EPHA10: variants seen among roughly 807,000 people sequenced by gnomAD.
The protein encoded by EPHA10 is ephrin type-A receptor 10.
Under a neutral mutation model 109.7 loss-of-function variants are expected in EPHA10, and 120 were observed. The ratio of observed to expected loss-of-function variants is 1.09; its 90% CI spans 0.94 to 1.27. The LOEUF (loss-of-function observed/expected upper bound fraction) is 1.27, where lower values mean the gene tolerates loss of function less well. Among genes scored for constraint, EPHA10 ranks in the 50% most tolerant of loss-of-function variants. EPHA10 has a pLI of 0.00. For missense variants in EPHA10, 1,396 were observed against 1,411.1 expected, an observed-to-expected ratio of 0.99 and a Z score of 0.17; for synonymous variants, 640 against 618.9, an observed-to-expected ratio of 1.03 and a Z score of -0.51.
At position 37,744,491 on chromosome 1, in the gene EPHA10, G is replaced by A. The variant is rs1316443631; in HGVS notation, c.1357+8385C>T. ...GCAGAGATCATGCCACTGCACTCCA[G>A]CCCATCTAAAAAAAAAAAAATAGCT... On this transcript the variant is annotated intron_variant, in intron 5 of 16. Transcript: ENST00000373048. 4.6e-5 allele frequency among the ~76,000 whole-genome samples: 7 copies of A among 150,628 alleles called. No homozygotes were observed. The East Asian group carries it at 1.4e-3, about 29-fold the overall frequency.
Position 37,720,340 on chromosome 1 carries a change from G to T in EPHA10, c.2412+11C>A, listed in dbSNP as rs1443636255. ...GAAGGCACAGGCAGGCTTGGCTGGGGGCGCCCTCACCATAGTGGTGTAGAC... is the reference window on the plus strand; with the variant it reads ...GAAGGCACAGGCAGGCTTGGCTGGGTGCGCCCTCACCATAGTGGTGTAGAC... On this transcript the variant is annotated intron_variant, in intron 13 of 16. Transcript: ENST00000373048. 6.3e-7 allele frequency: 1 copy of T among 1,588,924 alleles called. No individual in the cohort carries two copies. Among genetic ancestry groups the T allele is most frequent in the Admixed American group, 1.7e-5 (1 of 57,408 alleles).
intron 6 of EPHA10, among the ~76,000 whole-genome samples, chr1:37,732,342 G>A (rs1267097037): frequency 7.2e-5 from 11 of 151,914 alleles, no homozygotes; most frequent in Middle Eastern, 3.4e-3. Flanking sequence ...GCTGCCCCCC[G>A]CTCCACCCCA....
Position 37,764,856 on chromosome 1 carries a change from T to C in EPHA10, c.106+105A>G, listed in dbSNP as rs1569778420. The C allele has an allele frequency of 3.0e-6, 3 of 1,010,992 alleles. No homozygotes were observed. The highest frequency in any genetic ancestry group is 5.3e-5 in the East Asian group (2 of 37,906). The allele number at this position is 1,010,992 out of a possible 1,614,324, so 62.6% of individuals were successfully genotyped here. On this transcript the variant is annotated intron_variant, in intron 1 of 16. Coordinates refer to ENST00000373048, the MANE Select transcript of EPHA10 (RefSeq NM_001099439.2). The surrounding 1 kb of genome is among the most constrained non-coding windows in gnomAD (Gnocchi z 5.8). ...GCTGCCTGCTTGCTTCAAGCCCCAA[T>C]ACAGACTCTAGTCTCTCCAATGACT... is the stretch of plus-strand genomic sequence containing the variant.
At chr1:37,715,217 A>G (rs183113087), downstream of EPHA10, among the ~76,000 whole-genome samples, 27 of 152,160 alleles carry the variant, frequency 1.8e-4, no homozygotes, top group South Asian at 3.1e-3. Context: ...TTTAGTAGAG[A>G]TGGGGTTTCA....
chr1:37,731,699 T>A, intron 6 of EPHA10, 117 bp from the exon 7 acceptor site: 1 of 1,135,764 alleles, frequency 8.8e-7, no homozygotes, highest in Non-Finnish European at 1.2e-6. Flanking sequence ...GTGGGCTGAG[T>A]GCGAAAACCC....
intron 5 of EPHA10, among the ~76,000 whole-genome samples, chr1:37,741,410 G>A (rs1408256030): frequency 6.6e-6 from 1 of 152,220 alleles, no homozygotes; most frequent in Non-Finnish European, 1.5e-5. Flanking sequence ...AACGGAGTAG[G>A]TGGCTCAGGC....
At chr1:37,724,974 C>G (rs1293878889) in intron 8 of EPHA10, among the ~76,000 whole-genome samples, 2 of 152,070 alleles carry the variant, frequency 1.3e-5, no homozygotes, top group Non-Finnish European at 2.9e-5. Flanking sequence ...AGTGGGCTCC[C>G]AAGATGGCAA....
At chr1:37,731,700 G>A in intron 6 of EPHA10, 118 bp from the exon 7 acceptor site, 2 of 1,127,646 alleles carry the variant, frequency 1.8e-6, no homozygotes, top group Admixed American at 2.7e-5. Flanking sequence ...TGGGCTGAGT[G>A]CGAAAACCCA....
At chr1:37,728,809 A>G (rs1645935924) in intron 7 of EPHA10, among the ~76,000 whole-genome samples, 1 of 152,168 alleles carries the variant, frequency 6.6e-6, no homozygotes, top group Admixed American at 6.5e-5. Flanking sequence ...CCAGGGTTCC[A>G]GAGGCAAAGA....
At chr1:37,714,289 A>G (rs1365133837), downstream of EPHA10, among the ~76,000 whole-genome samples, 2 of 152,220 alleles carry the variant, frequency 1.3e-5, no homozygotes, top group Non-Finnish European at 2.9e-5. Context: ...GAGAAGCACT[A>G]GCAAGCCAAC....
At position 37,757,754 on chromosome 1, in the gene EPHA10, A is replaced by G. The variant is rs1646401694; in HGVS notation, c.851-3384T>C. On this transcript the variant is annotated intron_variant, in intron 3 of 16. Coordinates refer to ENST00000373048, the MANE Select transcript of EPHA10 (RefSeq NM_001099439.2). ...ATTCATTCAGCAAATATTTTTTGGCATCTACTAGGTAGGCTCTATAGATAC... is the reference window on the plus strand; with the variant it reads ...ATTCATTCAGCAAATATTTTTTGGCGTCTACTAGGTAGGCTCTATAGATAC... Among the ~76,000 whole-genome samples the G allele has an allele frequency of 2.0e-5, 3 of 152,242 alleles. No homozygotes were observed. The South Asian group carries it at 6.2e-4, about 32-fold the overall frequency.
At position 37,718,821 on chromosome 1, in the gene EPHA10, G is replaced by A. The variant is rs373735504; in HGVS notation, c.2757-5C>T. 5.4e-5 allele frequency: 87 copies of A among 1,606,634 alleles called. No homozygotes were observed. The highest frequency in any genetic ancestry group is 3.6e-4 in the Middle Eastern group (2 of 5,556). On this transcript the variant is annotated splice_region_variant and splice_polypyrimidine_tract_variant and intron_variant, in intron 15 of 16. Coordinates refer to ENST00000373048, the MANE Select transcript of EPHA10 (RefSeq NM_001099439.2). ...TCCGCTAGTGGGGTGGGAGGCCTGC[G>A]GGTCAGAGGAGCTGTGCTCAACCGA... is the stretch of plus-strand genomic sequence containing the variant.
At chr1:37,720,649 G>C in intron 12 of EPHA10, 95 bp from the exon 13 acceptor site, 1 of 1,533,534 alleles carries the variant, frequency 6.5e-7, no homozygotes, top group East Asian at 2.3e-5. Context: ...CCAGGCTTTA[G>C]TTCACCCTGT....
intron 5 of EPHA10, among the ~76,000 whole-genome samples, chr1:37,741,198 T>C (rs1046148434): frequency 6.6e-6 from 1 of 152,178 alleles, no homozygotes; most frequent in African/African-American, 2.4e-5. Context: ...TGAAGTAATG[T>C]GTTATGAGGG....
intron 7 of EPHA10, among the ~76,000 whole-genome samples, chr1:37,727,605 G>A (rs754731363): frequency 6.6e-6 from 1 of 152,172 alleles, no homozygotes; most frequent in Non-Finnish European, 1.5e-5. Flanking sequence ...AAGGGCTAAC[G>A]GTAACTGCAC....
chr1:37,746,236 G>A (rs1646240749), intron 5 of EPHA10, among the ~76,000 whole-genome samples: 1 of 151,906 alleles, frequency 6.6e-6, no homozygotes, highest in Admixed American at 6.6e-5. Context: ...GAGTAGCTGG[G>A]ATTACAGGCA....
At chr1:37,725,506 CAAAAAAA>C (rs536628850) in intron 8 of EPHA10, among the ~76,000 whole-genome samples, 23 of 56,426 alleles carry the variant, frequency 4.1e-4, no homozygotes, top group South Asian at 9.4e-4. Flanking sequence ...GGCTCCATCT[CAAAAAAA>C]AAAAAAAAAA....
At position 37,718,389 on chromosome 1, in the gene EPHA10, G is replaced by C. The variant is rs781585822; in HGVS notation, c.3010C>G (p.Gln1004Glu). 1.2e-6 allele frequency: 2 copies of C among 1,610,878 alleles called. No individual in the cohort carries two copies. The highest frequency in any genetic ancestry group is 1.7e-5 in the Admixed American group (1 of 59,848). ...LQARVLQLQG[Q>E]GVQV The stretch of plus-strand genomic sequence containing the variant: ...GGGTCCACTCACACCTGCACCCCCT[G>C]GCCCTGCAGCTGGAGCACTCGTGCC... Residue 1004 changes from glutamine (Q) to glutamate (E), a missense_variant, in exon 17 of 17, where the codon CAG (glutamine) becomes GAG (glutamate). By Grantham distance (29) the Gln-to-Glu change is conservative. Transcript: ENST00000373048.
Position 37,716,201 on chromosome 1 carries a change from G to T in EPHA10, c.*2171C>A. On this transcript the variant is annotated 3_prime_UTR_variant, in exon 17 of 17. Transcript: ENST00000373048. Reference sequence around the variant, plus strand: ...CACATCACATCTGTGCAGGGCTGAGGCCTGGGACCCAACAGGATTCTGGGA... The same window carrying T: ...CACATCACATCTGTGCAGGGCTGAGTCCTGGGACCCAACAGGATTCTGGGA... 3.0e-6 allele frequency: 1 copy of T among 331,744 alleles called. No homozygotes were observed. The allele number at this position is 331,744 out of a possible 1,614,324, so 20.6% of individuals were successfully genotyped here.
Sources: allele counts gnomAD v4.1 joint callset (sites outside exome capture counted in the v4.1 genomes callset), GRCh38; gene constraint gnomAD v4.1.1; non-coding constraint Gnocchi (gnomAD v3.1); transcripts MANE v1.5; gene names NCBI Gene and HGNC (gene_info 2026-07-23, HGNC 2026-07-21).